Variants in ROBO1 observed in about 807,000 individuals in gnomAD.
ROBO1 encodes the protein roundabout guidance receptor 1.
In ROBO1, 149 loss-of-function variants were observed where a neutral mutation model predicts 195.9. The ratio of observed to expected loss-of-function variants is 0.76; its 90% CI spans 0.67 to 0.87. The LOEUF is 0.87. Ranked by LOEUF, ROBO1 falls within the 40% of genes least tolerant of loss-of-function variation. The pLI is 0.00. For missense variants in ROBO1, 1,933 were observed against 2,068.3 expected, an observed-to-expected ratio of 0.93 and a Z score of 1.27; for synonymous variants, 816 against 733.2, an observed-to-expected ratio of 1.11 and a Z score of -1.82.
intron 2 of ROBO1, among the ~76,000 whole-genome samples, chr3:79,160,647 G>A (rs1382536283): frequency 2.0e-5 from 3 of 151,908 alleles, no homozygotes; most frequent in Non-Finnish European, 4.4e-5. Flanking sequence ...ATGATTGACT[G>A]GTCTAATATG....
intron 4 of ROBO1, among the ~76,000 whole-genome samples, chr3:78,895,910 T>C (rs2107416185): frequency 6.6e-6 from 1 of 152,368 alleles, no homozygotes; most frequent in Non-Finnish European, 1.5e-5. Context: ...ATTATACTTT[T>C]GTTGTACACT....
intron 1 of ROBO1, among the ~76,000 whole-genome samples, chr3:79,763,616 C>A (rs1346551956): frequency 6.6e-6 from 1 of 152,136 alleles, no homozygotes; most frequent in Non-Finnish European, 1.5e-5. Context: ...GTACTGGATC[C>A]TTAGCAGGCA....
chr3:79,218,822 A>G (rs2082094093), intron 2 of ROBO1, among the ~76,000 whole-genome samples: 1 of 151,934 alleles, frequency 6.6e-6, no homozygotes, highest in Admixed American at 6.6e-5. Flanking sequence ...TCTATTGGTG[A>G]AAAGGCCCAA....
intron 4 of ROBO1, among the ~76,000 whole-genome samples, chr3:78,756,361 C>G (rs1321361494): frequency 6.6e-6 from 1 of 151,910 alleles, no homozygotes; most frequent in African/African-American, 2.4e-5. Context: ...TATGATAAAT[C>G]AATATTTAAG....
chr3:79,332,726 T>A (rs1014908360), intron 2 of ROBO1, among the ~76,000 whole-genome samples: 5 of 152,214 alleles, frequency 3.3e-5, no homozygotes, highest in Non-Finnish European at 7.3e-5. Context: ...TCACTCAAAG[T>A]GATCTTTCCT....
In ROBO1 at chr3:78,714,481, T is replaced by C. The variant is rs1339500863; in HGVS notation, c.961A>G (p.Thr321Ala). Residue 321 changes from threonine to alanine, a missense_variant, in exon 8 of 31, where the codon ACA becomes GCA. By Grantham distance (58) the Thr-to-Ala change is moderately conservative. This residue lies in a region of ROBO1 where 1,737 missense variants were observed against 1,882.5 expected (regional missense o/e 0.92). Coordinates refer to ENST00000464233, the MANE Select transcript of ROBO1 (RefSeq NM_002941.4). ...GTGTATGAACCCATGTCACCAGCTGTCACCTTCCTAATTTTCAAGGTATGA... is the reference window on the plus strand; with the variant it reads ...GTGTATGAACCCATGTCACCAGCTGCCACCTTCCTAATTTTCAAGGTATGA... ...DDHTLKIRKVTAGDMGSYTCV... is the reference protein window; with the variant it reads ...DDHTLKIRKVAAGDMGSYTCV... 1.9e-6 allele frequency: 3 copies of C among 1,612,898 alleles called. No homozygotes were observed. Among genetic ancestry groups the C allele is most frequent in the Non-Finnish European group, 2.5e-6 (3 of 1,179,354 alleles).
chr3:79,579,688 GCTTT>G (rs1278221088), intron 2 of ROBO1, among the ~76,000 whole-genome samples: 1 of 152,016 alleles, frequency 6.6e-6, no homozygotes, highest in Non-Finnish European at 1.5e-5. Context: ...CATGGAATCA[GCTTT>G]CTTTAAATTA....
intron 4 of ROBO1, among the ~76,000 whole-genome samples, chr3:78,910,639 C>G (rs1399411678): frequency 6.6e-6 from 1 of 151,868 alleles, no homozygotes; most frequent in Non-Finnish European, 1.5e-5. Flanking sequence ...CGGCAAATGA[C>G]GGGATATGAC....
intron 1 of ROBO1, among the ~76,000 whole-genome samples, chr3:79,633,190 T>G (rs995721226): frequency 6.6e-6 from 1 of 151,398 alleles, no homozygotes; most frequent in African/African-American, 2.4e-5. Context: ...GGTTTTTTTT[T>G]TTTTTTGAAA....
At chr3:79,222,002 TG>T (rs1202192500) in intron 2 of ROBO1, among the ~76,000 whole-genome samples, 2 of 151,966 alleles carry the variant, frequency 1.3e-5, no homozygotes, top group Non-Finnish European at 2.9e-5. Flanking sequence ...TGACAAAATC[TG>T]GGGGGCTTTC....
At chr3:79,643,337 C>G (rs1945722954) in intron 1 of ROBO1, among the ~76,000 whole-genome samples, 1 of 152,084 alleles carries the variant, frequency 6.6e-6, no homozygotes, top group African/African-American at 2.4e-5. Flanking sequence ...TGTTCCTCAG[C>G]TTGCAGATGG....
At chr3:78,613,893 A>G (rs905417720) in intron 28 of ROBO1, among the ~76,000 whole-genome samples, 1 of 152,208 alleles carries the variant, frequency 6.6e-6, no homozygotes. Flanking sequence ...TGCCTGTAAC[A>G]TCCTTCCTCC....
intron 3 of ROBO1, among the ~76,000 whole-genome samples, chr3:78,981,825 A>AC (rs894167443): frequency 5.0e-4 from 75 of 151,098 alleles, no homozygotes; most frequent in African/African-American, 9.7e-4. Context: ...ACACACACAC[A>AC]AAAACACACC....
chr3:78,968,611 GA>G lies in ROBO1; in HGVS notation c.173-29685del, dbSNP rs199573537. Among the ~76,000 whole-genome samples, 818 of 142,960 alleles carry G rather than the reference GA, an allele frequency of 5.7e-3. 9 individuals are homozygous for G. The highest frequency in any genetic ancestry group is 0.019 in the African/African-American group (736 of 39,094). The allele number at this position is 142,960 out of a possible 152,430, so 93.8% of individuals were successfully genotyped here. Reference sequence around the variant, plus strand: ...TGATCAACTCTTTGGTCTCCAAAAAGAAAAAAAAAAGGCAGTAAGAAGAAAT... The same window carrying G: ...TGATCAACTCTTTGGTCTCCAAAAAGAAAAAAAAAGGCAGTAAGAAGAAAT... On this transcript the variant is annotated intron_variant, in intron 3 of 30. Coordinates refer to ENST00000464233, the MANE Select transcript of ROBO1 (RefSeq NM_002941.4).
At chr3:79,018,288 G>A in intron 3 of ROBO1, 1 of 1,122,298 alleles carries the variant, frequency 8.9e-7, no homozygotes, top group Admixed American at 2.0e-5. Flanking sequence ...AGCAGGAATC[G>A]AGCCCCTCCG....
intron 1 of ROBO1, among the ~76,000 whole-genome samples, chr3:79,725,564 A>G (rs1000265789): frequency 1.3e-5 from 2 of 152,168 alleles, no homozygotes; most frequent in Non-Finnish European, 2.9e-5. Flanking sequence ...TGCAGCCAAC[A>G]TGCAATGAAG....
chr3:79,211,074 T>C (rs564406945), intron 2 of ROBO1, among the ~76,000 whole-genome samples: 1 of 152,290 alleles, frequency 6.6e-6, no homozygotes, highest in African/African-American at 2.4e-5. Context: ...TGGTTAATAA[T>C]AGAAAATGGG....
chr3:78,935,210 T>A (rs942485125), intron 4 of ROBO1, among the ~76,000 whole-genome samples: 31 of 152,074 alleles, frequency 2.0e-4, no homozygotes, highest in African/African-American at 5.1e-4. Flanking sequence ...GCAAAATACA[T>A]ATACACTTTT....
chr3:79,159,092 G>A (rs373728018), intron 2 of ROBO1, among the ~76,000 whole-genome samples: 2 of 151,888 alleles, frequency 1.3e-5, no homozygotes, highest in African/African-American at 2.4e-5. Context: ...ACAAAGTAGG[G>A]TATCTGCAAA....
Sources: allele counts gnomAD v4.1 joint callset (sites outside exome capture counted in the v4.1 genomes callset), GRCh38; gene constraint gnomAD v4.1.1; regional missense constraint gnomAD v4.1.1; transcripts MANE v1.5; gene names NCBI Gene and HGNC (gene_info 2026-07-23, HGNC 2026-07-21).